TCTN2: variants seen among roughly 807,000 people sequenced by gnomAD.
The protein encoded by TCTN2 is tectonic-2.
In TCTN2, 66 loss-of-function variants were observed where a neutral mutation model predicts 83.4. That is an observed-to-expected ratio of 0.79 (90% CI 0.65 to 0.97). The LOEUF (loss-of-function observed/expected upper bound fraction) is 0.97, where lower values mean the gene tolerates loss of function less well. Among genes scored for constraint, TCTN2 ranks in the 50% least tolerant of loss-of-function variants. The pLI is 0.00. For synonymous variants in TCTN2, 301 were observed against 326.7 expected, an observed-to-expected ratio of 0.92 and a Z score of 0.85; for missense variants, 794 against 858.1, an observed-to-expected ratio of 0.93 and a Z score of 0.93.
At chr12:123,696,997 T>A in intron 12 of TCTN2, 90 bp from the exon 13 acceptor site, 1 of 1,037,376 alleles carries the variant, frequency 9.6e-7, no homozygotes, top group East Asian at 2.4e-5. Flanking sequence ...TATTTCTACT[T>A]ACTGTTTTCT....
chr12:123,697,440 A>C (rs1318664840), intron 13 of TCTN2, among the ~76,000 whole-genome samples: 1 of 152,216 alleles, frequency 6.6e-6, no homozygotes, highest in Non-Finnish European at 1.5e-5. Flanking sequence ...TTTCATCCAC[A>C]TTTAAACAAA....
chr12:123,707,129 T>G, intron 17 of TCTN2, 56 bp downstream of exon 17: 1 of 1,459,854 alleles, frequency 6.9e-7, no homozygotes, highest in Non-Finnish European at 9.6e-7. Flanking sequence ...AAAAAAATTT[T>G]TTAAATGATG....
chr12:123,674,806 G>A (rs1406547388), intron 4 of TCTN2, among the ~76,000 whole-genome samples: 4 of 152,264 alleles, frequency 2.6e-5, no homozygotes, highest in South Asian at 2.1e-4. Flanking sequence ...TGGGAGGATC[G>A]CTTGAGCGTA....
Position 123,673,732 on chromosome 12 carries a change from CAT to C in TCTN2, c.387_388del (p.His129GlnfsTer23). The C allele has an allele frequency of 6.2e-7, 1 of 1,614,216 alleles. No homozygotes were observed. Among genetic ancestry groups the C allele is most frequent in the Non-Finnish European group, 8.5e-7 (1 of 1,180,040 alleles). On this transcript the variant is annotated frameshift_variant, in exon 4 of 18. Coordinates refer to ENST00000303372, the MANE Select transcript of TCTN2 (RefSeq NM_024809.5). LOFTEE classifies it high-confidence loss of function. ...ILQTLLVSAS[H>X]NSSCSAHLLI... Reference sequence around the variant, plus strand: ...CCAGACCCTTCTGGTTTCAGCATCTCATAATTCATCCTGTTCAGCACATCTAC... The same window carrying C: ...CCAGACCCTTCTGGTTTCAGCATCTCAATTCATCCTGTTCAGCACATCTAC...
At position 123,673,629 on chromosome 12, in the gene TCTN2, G is replaced by C. The variant is rs146257198; in HGVS notation, c.282G>C (p.Val94=). Residue 94 remains valine (V), a synonymous_variant, in exon 4 of 18, where the codon GTG becomes GTC. Transcript: ENST00000303372. ...TVIPGAKVLE[V]TVRWKRGLDW... is the part of the protein sequence containing the mutation. ...TTTCCTTTCAGAAGGTGTTGGAAGT[G>C]ACAGTGAGGTGGAAGAGAGGTCTGG... is the stretch of plus-strand genomic sequence containing the variant. 1.3e-4 allele frequency: 210 copies of C among 1,614,106 alleles called. No homozygotes were observed. The highest frequency in any genetic ancestry group is 1.7e-4 in the Non-Finnish European group (203 of 1,180,054).
chr12:123,687,041 T>C lies in TCTN2; in HGVS notation c.764+6T>C, dbSNP rs1431009800. ...TACTTCTATCATGGTGCTGTGTAAG[T>C]GTCTGAGCAGCCGCCTGGGATGGGG... is the stretch of plus-strand genomic sequence containing the variant. On this transcript the variant is annotated splice_donor_region_variant and intron_variant, in intron 6 of 17. Coordinates refer to ENST00000303372, the MANE Select transcript of TCTN2 (RefSeq NM_024809.5). The C allele has an allele frequency of 1.9e-6, 3 of 1,613,998 alleles. No homozygotes were observed. Among genetic ancestry groups the C allele is most frequent in the Non-Finnish European group, 2.5e-6 (3 of 1,179,996 alleles).
rs770493983 is a variant in TCTN2 at position 123,686,989 on chromosome 12, C to T, written c.718C>T (p.Pro240Ser). Residue 240 changes from proline to serine, a missense_variant, in exon 6 of 18, where the codon CCC becomes TCC. Transcript: ENST00000303372. Reference protein sequence around the residue: ...DWFPFLCVQSPLANTPFLGYF... With the variant: ...DWFPFLCVQSSLANTPFLGYF... ...GTTTCCCTTTCTGTGTGTGCAGTCC[C>T]CCCTTGCCAACACACCCTTCCTTGG... The T allele has an allele frequency of 1.8e-5, 29 of 1,614,012 alleles. No individual in the cohort carries two copies. Among genetic ancestry groups the T allele is most frequent in the Non-Finnish European group, 1.4e-5 (16 of 1,180,056 alleles).
rs1276465193 is a variant in TCTN2 at position 123,706,843 on chromosome 12, C to G, written c.1887C>G (p.Pro629=). The G allele has an allele frequency of 6.2e-7, 1 of 1,614,098 alleles. No homozygotes were observed. The highest frequency in any genetic ancestry group is 8.5e-7 in the Non-Finnish European group (1 of 1,180,014). The part of the protein sequence containing the change: ...FIKIPAQLPH[P]LTRFQINYTE... ...AAATTCCTGCACAGTTACCCCACCCCCTGACAAGGTACTCCAGTTGCTCAC... is the reference window on the plus strand; with the variant it reads ...AAATTCCTGCACAGTTACCCCACCCGCTGACAAGGTACTCCAGTTGCTCAC... Residue 629 remains proline (P), a synonymous_variant, in exon 16 of 18, where the codon CCC becomes CCG. Coordinates refer to ENST00000303372, the MANE Select transcript of TCTN2 (RefSeq NM_024809.5).
intron 9 of TCTN2, among the ~76,000 whole-genome samples, chr12:123,693,018 C>CTTTTT (rs539689505): frequency 4.1e-4 from 22 of 53,790 alleles, no homozygotes; most frequent in East Asian, 1.0e-3. Flanking sequence ...TTAAATAATT[C>CTTTTT]TTTTTTTTTT....
chr12:123,706,752 A>G lies in TCTN2; in HGVS notation c.1796A>G (p.Gln599Arg). The G allele has an allele frequency of 6.2e-7, 1 of 1,614,164 alleles. No individual in the cohort carries two copies. Among genetic ancestry groups the G allele is most frequent in the Non-Finnish European group, 8.5e-7 (1 of 1,180,036 alleles). ...TTCTCCTCAGTGAACTGGCAGTACC[A>G]GTGTGGGCTTACCTGTGAGCACAAG... ...TRFSSVNWQY[Q>R]CGLTCEHKAD... The change falls in exon 16 of 18, where the codon CAG becomes CGG. Residue 599 changes from glutamine to arginine, a missense_variant. By Grantham distance (43) the Gln-to-Arg change is conservative. Coordinates refer to ENST00000303372, the MANE Select transcript of TCTN2 (RefSeq NM_024809.5).
At position 123,697,113 on chromosome 12, in the gene TCTN2, A is replaced by G; in HGVS notation, c.1420A>G (p.Thr474Ala). Residue 474 changes from threonine to alanine, a missense_variant, in exon 13 of 18, where the codon ACT becomes GCT. Transcript: ENST00000303372. The part of the protein sequence containing the change: ...SAGRGLCTSA[T>A]FKPILFGENV... The stretch of plus-strand genomic sequence containing the variant: ...TGGAAGGGGTCTGTGTACATCAGCA[A>G]CTTTCAAACCCATTTTATTTGGAGA... 1 of 1,614,032 alleles carries G rather than the reference A, an allele frequency of 6.2e-7. No homozygotes were observed. The highest frequency in any genetic ancestry group is 8.5e-7 in the Non-Finnish European group (1 of 1,179,924).
At chr12:123,697,979 C>G (rs1326849439) in intron 13 of TCTN2, among the ~76,000 whole-genome samples, 1 of 151,908 alleles carries the variant, frequency 6.6e-6, no homozygotes, top group Non-Finnish European at 1.5e-5. Context: ...CTCCACCTGC[C>G]TTGGCTTCCT....
At position 123,695,200 on chromosome 12, in the gene TCTN2, T is replaced by C; in HGVS notation, c.1235-20T>C. 6.7e-7 allele frequency: 1 copy of C among 1,499,506 alleles called. No individual in the cohort carries two copies. Among genetic ancestry groups the C allele is most frequent in the Non-Finnish European group, 9.3e-7 (1 of 1,076,408 alleles). The allele number at this position is 1,499,506 out of a possible 1,614,324, so 92.9% of individuals were successfully genotyped here. A position where few individuals can be genotyped will look rare whatever the true frequency, so the allele number is the denominator to read the frequency against. On this transcript the variant is annotated intron_variant, in intron 10 of 17. Coordinates refer to ENST00000303372, the MANE Select transcript of TCTN2 (RefSeq NM_024809.5). ...CTAGTGAAATGGTGCACATTATATT[T>C]TATTTTGTTTTATTTCTAGGGATAA...
intron 9 of TCTN2, among the ~76,000 whole-genome samples, chr12:123,693,215 G>A (rs1184942116): frequency 2.7e-5 from 4 of 150,752 alleles, no homozygotes; most frequent in African/African-American, 7.3e-5. Context: ...TAGTAGAGAC[G>A]GGGTTTCTCC....
rs763961375 is a variant in TCTN2, at chr12:123,704,608, C to T, written c.1689C>T (p.His563=). 2.5e-6 allele frequency: 4 copies of T among 1,612,402 alleles called. No individual in the cohort carries two copies. The highest frequency in any genetic ancestry group is 3.4e-6 in the Non-Finnish European group (4 of 1,179,858). The change falls in exon 15 of 18, where the codon CAC becomes CAT. Residue 563 remains histidine (H), a synonymous_variant. Coordinates refer to ENST00000303372, the MANE Select transcript of TCTN2 (RefSeq NM_024809.5). ...VNGMCLDIPA[H]LSIRILISDA... is the part of the protein sequence containing the mutation. Reference sequence around the variant, plus strand: ...GCATGTGCCTGGATATTCCTGCTCACCTGAGCATCCGCATCCTCATCTCGG... The same window carrying T: ...GCATGTGCCTGGATATTCCTGCTCATCTGAGCATCCGCATCCTCATCTCGG...
rs1340007164 is a variant in TCTN2, at chr12:123,685,720, T to A, written c.565-1116T>A. ...AGGTGTGAGCCACTGCGCCCGGTCT[T>A]TTTTTTTTTTTTTTTTTTTTTAAGA... On this transcript the variant is annotated intron_variant, in intron 5 of 17. Coordinates refer to ENST00000303372, the MANE Select transcript of TCTN2 (RefSeq NM_024809.5). Among the ~76,000 whole-genome samples the A allele has an allele frequency of 1.3e-4, 5 of 38,244 alleles. No homozygotes were observed. The African/African-American group carries it at 1.6e-3, about 13-fold the overall frequency. The allele number at this position is 38,244 out of a possible 152,430, so 25.1% of individuals were successfully genotyped here.
intron 5 of TCTN2, 123 bp downstream of exon 5, chr12:123,679,412 A>C (rs1017991842): frequency 2.2e-6 from 2 of 913,634 alleles, no homozygotes; most frequent in Non-Finnish European, 1.8e-6. Context: ...CCCAGGCTGG[A>C]GTATGGTGAT....
At chr12:123,704,074 T>C (rs1213953813) in intron 14 of TCTN2, among the ~76,000 whole-genome samples, 19 of 151,148 alleles carry the variant, frequency 1.3e-4, no homozygotes, top group African/African-American at 2.2e-4. Context: ...TGGTGTGATC[T>C]TGGCTCACGG....
At chr12:123,704,082 C>A (rs1052938031) in intron 14 of TCTN2, among the ~76,000 whole-genome samples, 2 of 150,090 alleles carry the variant, frequency 1.3e-5, no homozygotes, top group Non-Finnish European at 3.0e-5. Context: ...TCTTGGCTCA[C>A]GGCAAGCTCC....
Sources: allele counts gnomAD v4.1 joint callset (sites outside exome capture counted in the v4.1 genomes callset), GRCh38; gene constraint gnomAD v4.1.1; transcripts MANE v1.5; gene names NCBI Gene and HGNC (gene_info 2026-07-23, HGNC 2026-07-21).